Variants in SEL1L observed in about 807,000 individuals in gnomAD.
SEL1L encodes protein sel-1 homolog 1.
In SEL1L, 52 loss-of-function variants were observed where a neutral mutation model predicts 109.8. The ratio of observed to expected loss-of-function variants is 0.47; its 90% CI spans 0.38 to 0.60. The LOEUF (loss-of-function observed/expected upper bound fraction) is 0.60, where lower values mean the gene tolerates loss of function less well. Ranked by LOEUF, SEL1L falls within the 20% of genes least tolerant of loss-of-function variation. The pLI, the probability that SEL1L is intolerant of heterozygous loss-of-function variation, is 0.00. For missense variants in SEL1L, 749 were observed against 962.2 expected, an observed-to-expected ratio of 0.78 and a Z score of 2.93; for synonymous variants, 373 against 339.6, an observed-to-expected ratio of 1.10 and a Z score of -1.08.
chr14:81,531,544 A>T (rs2140069084), intron 1 of SEL1L, among the ~76,000 whole-genome samples: 1 of 152,184 alleles, frequency 6.6e-6, no homozygotes, highest in Non-Finnish European at 1.5e-5. Flanking sequence ...TTTATTTAAC[A>T]CAGGGTTGTT....
intron 20 of SEL1L, among the ~76,000 whole-genome samples, chr14:81,478,911 G>A (rs368064454): frequency 8.1e-4 from 123 of 152,302 alleles, no homozygotes; most frequent in African/African-American, 2.9e-3. Flanking sequence ...TCCTTGTCCT[G>A]AATAAGCCTA....
chr14:81,512,372 T>C (rs558847452), intron 3 of SEL1L, among the ~76,000 whole-genome samples: 29 of 152,238 alleles, frequency 1.9e-4, no homozygotes, highest in Non-Finnish European at 3.8e-4. Context: ...TTGCTTAACA[T>C]ATCATTGACA....
intron 3 of SEL1L, among the ~76,000 whole-genome samples, chr14:81,518,575 G>A (rs1884790956): frequency 2.7e-5 from 4 of 148,650 alleles, no homozygotes; most frequent in East Asian, 2.0e-4. Flanking sequence ...CAGGAGAATC[G>A]CTTGAACCCA....
chr14:81,478,492 AAC>A (rs1903241300), intron 20 of SEL1L, among the ~76,000 whole-genome samples: 1 of 152,240 alleles, frequency 6.6e-6, no homozygotes, highest in Non-Finnish European at 1.5e-5. Flanking sequence ...GACTATAACC[AAC>A]AGTTAGTAAT....
chr14:81,502,821 G>A lies in SEL1L; in HGVS notation c.677C>T (p.Ser226Leu). The A allele has an allele frequency of 6.2e-7, 1 of 1,614,062 alleles. No homozygotes were observed. Among genetic ancestry groups the A allele is most frequent in the Non-Finnish European group, 8.5e-7 (1 of 1,179,934 alleles). Residue 226 changes from serine (S) to leucine (L), a missense_variant, in exon 6 of 21, where the codon TCA becomes TTA. Ser to Leu is a moderately radical substitution (Grantham distance 145). Transcript: ENST00000336735. The part of the protein sequence containing the change: ...MNHTKALERV[S>L]YALLFGDYLP... ...GTAATCACCAAATAAAAGAGCATAT[G>A]ACACTCTCTCCAGGGCTTTGGTATG...
chr14:81,489,076 A>G lies in SEL1L; in HGVS notation c.1395+176T>C. On this transcript the variant is annotated intron_variant, in intron 14 of 20. Transcript: ENST00000336735. ...ACAGAGCTGTTCTAAGACAGTTGAG[A>G]TGGTGTCTGTCGGGTATGGGGTGGT... is the stretch of plus-strand genomic sequence containing the variant. 3 of 654,976 alleles carry G rather than the reference A, an allele frequency of 4.6e-6. No individual in the cohort carries two copies. In the South Asian group the frequency reaches 5.3e-5, roughly 12 times the overall value. The allele number at this position is 654,976 out of a possible 1,614,324, so 40.6% of individuals were successfully genotyped here. A position where few individuals can be genotyped will look rare whatever the true frequency, so the allele number is the denominator to read the frequency against.
At chr14:81,531,897 A>C (rs1466722874) in intron 1 of SEL1L, among the ~76,000 whole-genome samples, 1 of 152,194 alleles carries the variant, frequency 6.6e-6, no homozygotes, top group Non-Finnish European at 1.5e-5. Context: ...ATTACCTTTT[A>C]GCATGCACAT....
Position 81,474,397 on chromosome 14 carries a change from A to G in SEL1L, c.*2575T>C, listed in dbSNP as rs1391994659. 1 of 152,232 alleles carries G rather than the reference A, an allele frequency of 6.6e-6. No homozygotes were observed. The highest frequency in any genetic ancestry group is 1.5e-5 in the Non-Finnish European group (1 of 68,038). 9.4% of individuals were successfully genotyped at this position (152,232 alleles called of 1,614,324 possible). A position where few individuals can be genotyped will look rare whatever the true frequency, so the allele number is the denominator to read the frequency against. ...TCATCAAGTTCGAAGGCAGGAAGAC[A>G]GACTAGAAAAGGTCTTAGGAGAGAT... On this transcript the variant is annotated 3_prime_UTR_variant, in exon 21 of 21. Coordinates refer to ENST00000336735, the MANE Select transcript of SEL1L (RefSeq NM_005065.6).
intron 3 of SEL1L, among the ~76,000 whole-genome samples, chr14:81,513,483 C>T (rs1279808983): frequency 1.3e-5 from 2 of 152,148 alleles, no homozygotes; most frequent in East Asian, 1.9e-4. Flanking sequence ...AGAACTGTAA[C>T]ACTCACCGCG....
intron 3 of SEL1L, among the ~76,000 whole-genome samples, chr14:81,517,465 C>T (rs909373649): frequency 6.6e-6 from 1 of 152,110 alleles, no homozygotes; most frequent in Non-Finnish European, 1.5e-5. Context: ...AACAAAAAAA[C>T]TGGGGGAGGT....
At chr14:81,490,310 C>G (rs1883488586) in intron 13 of SEL1L, 78 bp downstream of exon 13, 2 of 1,059,428 alleles carry the variant, frequency 1.9e-6, no homozygotes, top group Admixed American at 3.9e-5. Context: ...TTATGATTAA[C>G]CCTTTAATAT....
intron 3 of SEL1L, among the ~76,000 whole-genome samples, chr14:81,518,139 T>C (rs1015606460): frequency 5.3e-5 from 8 of 151,312 alleles, no homozygotes; most frequent in African/African-American, 1.9e-4. Flanking sequence ...GTGATCCACC[T>C]GCCTTGGCCT....
At position 81,484,303 on chromosome 14, in the gene SEL1L, C is replaced by G; in HGVS notation, c.1968G>C (p.Leu656=). ...DYETAFIHYR[L]ASEQQHSAQA... ...GTGCACTGTGTTGCTGCTCAGAAGC[C>G]AGACGGTAATGAATAAATGCAGTTT... Residue 656 remains leucine (L), a synonymous_variant, in exon 19 of 21, where the codon CTG becomes CTC. Coordinates refer to ENST00000336735, the MANE Select transcript of SEL1L (RefSeq NM_005065.6). 1 of 1,614,126 alleles carries G rather than the reference C, an allele frequency of 6.2e-7. No individual in the cohort carries two copies. Among genetic ancestry groups the G allele is most frequent in the Non-Finnish European group, 8.5e-7 (1 of 1,179,986 alleles).
intron 14 of SEL1L, 127 bp from the exon 15 acceptor site, chr14:81,488,069 A>G (rs1883384650): frequency 1.5e-6 from 1 of 645,514 alleles, no homozygotes; most frequent in Non-Finnish European, 2.6e-6. Flanking sequence ...TAAAAAGACC[A>G]CTTTCTAATT....
At chr14:81,498,155 G>A in intron 9 of SEL1L, 109 bp from the exon 10 acceptor site, 2 of 1,178,174 alleles carry the variant, frequency 1.7e-6, no homozygotes, top group Non-Finnish European at 2.4e-6. Context: ...ATTGTTAAAG[G>A]AAGCTGTTTT....
chr14:81,490,311 C>T (rs1883488732), intron 13 of SEL1L, 77 bp downstream of exon 13: 7 of 1,070,768 alleles, frequency 6.5e-6, no homozygotes, highest in South Asian at 4.1e-5. Context: ...TATGATTAAC[C>T]CTTTAATATA....
chr14:81,520,912 T>C (rs562011226), intron 3 of SEL1L, among the ~76,000 whole-genome samples: 6 of 152,336 alleles, frequency 3.9e-5, no homozygotes, highest in African/African-American at 1.2e-4. Context: ...CTACAGGCAT[T>C]ACTTAGAGGC....
At chr14:81,495,497 C>T (rs951045473) in intron 10 of SEL1L, among the ~76,000 whole-genome samples, 2 of 152,144 alleles carry the variant, frequency 1.3e-5, no homozygotes, top group East Asian at 1.9e-4. Context: ...ATTAGCCGGG[C>T]GTGGTAGCAT....
chr14:81,533,155 GC>G, intron 1 of SEL1L, among the ~76,000 whole-genome samples: 1 of 152,268 alleles, frequency 6.6e-6, no homozygotes, highest in Middle Eastern at 3.4e-3. Context: ...GTAAAAAGTG[GC>G]TACGATGAGA....
Sources: gnomAD v4.1 joint callset for allele counts (sites outside exome capture counted in the v4.1 genomes callset) on GRCh38, gnomAD v4.1.1 for gene constraint, MANE v1.5 for transcripts, NCBI Gene and HGNC (gene_info 2026-07-23, HGNC 2026-07-21) for gene names.